PSMD7: variants seen among roughly 807,000 people sequenced by gnomAD.
PSMD7 encodes the protein 26S proteasome non-ATPase regulatory subunit 7.
PSMD7 carries 13 observed loss-of-function variants against 36.4 expected under a neutral mutation model. The observed-to-expected ratio is 0.36, with a 90% CI of 0.23 to 0.57. The LOEUF is 0.57. Among genes scored for constraint, PSMD7 ranks in the 20% least tolerant of loss-of-function variants. The pLI is 0.83. For synonymous variants in PSMD7, 186 were observed against 151.0 expected (o/e 1.23, Z -1.70); for missense variants, 298 against 393.6 (o/e 0.76, Z 2.06).
intron 5 of PSMD7, 108 bp from the exon 6 acceptor site, chr16:74,304,195 C>T: frequency 1.1e-6 from 1 of 909,186 alleles, no homozygotes; most frequent in South Asian, 1.4e-5. Flanking sequence ...CTCAGTCATG[C>T]ACTCATTAAA....
intron 1 of PSMD7, among the ~76,000 whole-genome samples, chr16:74,298,828 C>T (rs984047059): frequency 3.9e-5 from 6 of 152,128 alleles, no homozygotes; most frequent in African/African-American, 1.4e-4. Flanking sequence ...GAGCGAAGAT[C>T]ACACCACTGG....
chr16:74,304,264 G>T (rs1314718666), intron 5 of PSMD7, 39 bp from the exon 6 acceptor site: 1 of 1,579,478 alleles, frequency 6.3e-7, no homozygotes, highest in Non-Finnish European at 8.7e-7. Flanking sequence ...CAGTTCGTTT[G>T]TGGAAAATAA....
At chr16:74,300,394 G>T in intron 2 of PSMD7, 188 bp downstream of exon 2, 1 of 608,250 alleles carries the variant, frequency 1.6e-6, no homozygotes, top group Non-Finnish European at 2.9e-6. Flanking sequence ...TGCAGGCCAT[G>T]TGGTCTCCAC....
At chr16:74,297,750 C>T (rs1389629898) in intron 1 of PSMD7, among the ~76,000 whole-genome samples, 1 of 145,250 alleles carries the variant, frequency 6.9e-6, no homozygotes, top group South Asian at 2.3e-4. Context: ...GTGAATGATG[C>T]CTGGATGATG....
chr16:74,300,328 A>G lies in PSMD7; in HGVS notation c.166+122A>G, dbSNP rs574666817. 3.4e-4 allele frequency: 306 copies of G among 896,628 alleles called. 6 individuals carry two copies. The South Asian group carries it at 4.7e-3, about 14-fold the overall frequency. The allele number at this position is 896,628 out of a possible 1,614,324, so 55.5% of individuals were successfully genotyped here. A position where few individuals can be genotyped will look rare whatever the true frequency, so the allele number is the denominator to read the frequency against. ...GAGATTGTCTTAAAATTGCTGAAGT[A>G]TAGAAAAGAGAACCTGAAGATTGCA... On this transcript the variant is annotated intron_variant, in intron 2 of 6. Coordinates refer to ENST00000219313, the MANE Select transcript of PSMD7 (RefSeq NM_002811.5).
chr16:74,301,877 G>T (rs1158642847), intron 4 of PSMD7, among the ~76,000 whole-genome samples: 2 of 151,950 alleles, frequency 1.3e-5, no homozygotes, highest in African/African-American at 4.8e-5. Context: ...TAATCCTCTC[G>T]GTAACTGTAT....
Position 74,305,186 on chromosome 16 carries a change from C to A in PSMD7, c.531-103C>A. ...TGACATTTTTCTTTTAAAAACTTGC[C>A]TCACCCAACAAAGCTAGGAATTTTC... On this transcript the variant is annotated intron_variant, in intron 6 of 6. Coordinates refer to ENST00000219313, the MANE Select transcript of PSMD7 (RefSeq NM_002811.5). The A allele has an allele frequency of 4.4e-6, 6 of 1,366,524 alleles. No homozygotes were observed. The South Asian group carries it at 9.0e-5, about 20-fold the overall frequency. The allele number at this position is 1,366,524 out of a possible 1,614,324, so 84.6% of individuals were successfully genotyped here. A position where few individuals can be genotyped will look rare whatever the true frequency, so the allele number is the denominator to read the frequency against.
intron 6 of PSMD7, 170 bp downstream of exon 6, chr16:74,304,564 T>C: frequency 1.8e-6 from 1 of 555,794 alleles, no homozygotes; most frequent in South Asian, 2.6e-5. Flanking sequence ...TGTTTTATTG[T>C]CTGTAAATTG....
chr16:74,298,350 C>G (rs1428008711), intron 1 of PSMD7, among the ~76,000 whole-genome samples: 1 of 152,066 alleles, frequency 6.6e-6, no homozygotes, highest in Admixed American at 6.6e-5. Flanking sequence ...GTTGAATTGG[C>G]AAATGTAAAG....
At position 74,305,365 on chromosome 16, in the gene PSMD7, T is replaced by G. The variant is rs1300466739; in HGVS notation, c.607T>G (p.Ser203Ala). Reference sequence around the variant, plus strand: ...GGTCCATGGTTTGAAGGGACTGAACTCCAAGCTTCTGGATATCAGGAGCTA... The same window carrying G: ...GGTCCATGGTTTGAAGGGACTGAACGCCAAGCTTCTGGATATCAGGAGCTA... The part of the protein sequence containing the change: ...NQVHGLKGLN[S>A]KLLDIRSYLE... Residue 203 changes from serine to alanine, a missense_variant, in exon 7 of 7, where the codon TCC becomes GCC. Physicochemically the swap from Ser to Ala is moderately conservative, Grantham distance 99. Transcript: ENST00000219313. 3 of 1,614,134 alleles carry G rather than the reference T, an allele frequency of 1.9e-6. No homozygotes were observed. The highest frequency in any genetic ancestry group is 1.1e-5 in the South Asian group (1 of 91,086).
rs369506812 is a variant in PSMD7 at position 74,305,550 on chromosome 16, G to A, written c.792G>A (p.Ser264=). 52 of 1,613,682 alleles carry A rather than the reference G, an allele frequency of 3.2e-5. No homozygotes were observed. The highest frequency in any genetic ancestry group is 1.3e-4 in the African/African-American group (10 of 74,900). The part of the protein sequence containing the change: ...NDQMVVVYLA[S]LIRSVVALHN... ...AGATGGTGGTAGTGTACTTGGCCTC[G>A]CTGATCCGTTCCGTGGTCGCCCTGC... Residue 264 remains serine, a synonymous_variant, in exon 7 of 7, where the codon TCG becomes TCA. Coordinates refer to ENST00000219313, the MANE Select transcript of PSMD7 (RefSeq NM_002811.5).
chr16:74,301,639 A>G lies in PSMD7; in HGVS notation c.344A>G (p.Tyr115Cys), dbSNP rs1567525810. The change falls in exon 4 of 7, where the codon TAC becomes TGC. Residue 115 changes from tyrosine to cysteine, a missense_variant. By Grantham distance (194) the Tyr-to-Cys change is radical. Coordinates refer to ENST00000219313, the MANE Select transcript of PSMD7 (RefSeq NM_002811.5). ...GCCATCAACGAACTCATGAAAAGAT[A>G]CTGTCCTAATTCCGTAAGTGGTGTC... The part of the protein sequence containing the change: ...DIAINELMKR[Y>C]CPNSVLVIID... 1 of 1,611,334 alleles carries G rather than the reference A, an allele frequency of 6.2e-7. No individual in the cohort carries two copies. Among genetic ancestry groups the G allele is most frequent in the East Asian group, 2.2e-5 (1 of 44,846 alleles).
chr16:74,299,525 A>G (rs1315058150), intron 1 of PSMD7: 2 of 454,680 alleles, frequency 4.4e-6, no homozygotes, highest in African/African-American at 4.0e-5. Flanking sequence ...AGCTGAGACT[A>G]CAGGCACATC....
At chr16:74,299,571 G>A in intron 1 of PSMD7, 1 of 455,312 alleles carries the variant, frequency 2.2e-6, no homozygotes. Context: ...ATTTTTTGTA[G>A]ACAGGGTTTC....
rs1483033135 is a variant in PSMD7, at chr16:74,296,881, A to G, written c.-34A>G. 8 of 1,609,740 alleles carry G rather than the reference A, an allele frequency of 5.0e-6. No homozygotes were observed. The highest frequency in any genetic ancestry group is 2.2e-5 in the East Asian group (1 of 44,772). On this transcript the variant is annotated 5_prime_UTR_variant, in exon 1 of 7. Transcript: ENST00000219313. ...ACTGCTGCCGGTGTTTGCGTGTGGC[A>G]GGGAGCCAGGCCTGGCGAGCGGGGT...
At chr16:74,305,195 C>A (rs1418241864) in intron 6 of PSMD7, 94 bp from the exon 7 acceptor site, 3 of 1,415,646 alleles carry the variant, frequency 2.1e-6, no homozygotes, top group African/African-American at 1.4e-5. Context: ...CCTCACCCAA[C>A]AAAGCTAGGA....
Position 74,301,640 on chromosome 16 carries a change from C to T in PSMD7, c.345C>T (p.Tyr115=), listed in dbSNP as rs762356472. 2 of 1,610,906 alleles carry T rather than the reference C, an allele frequency of 1.2e-6. No homozygotes were observed. The highest frequency in any genetic ancestry group is 1.1e-5 in the South Asian group (1 of 91,002). ...CCATCAACGAACTCATGAAAAGATACTGTCCTAATTCCGTAAGTGGTGTCT... is the reference window on the plus strand; with the variant it reads ...CCATCAACGAACTCATGAAAAGATATTGTCCTAATTCCGTAAGTGGTGTCT... ...DIAINELMKR[Y]CPNSVLVIID... Residue 115 remains tyrosine (Y), a synonymous_variant, in exon 4 of 7, where the codon TAC becomes TAT. Transcript: ENST00000219313.
intron 6 of PSMD7, chr16:74,305,062 G>T: frequency 1.7e-6 from 1 of 593,604 alleles, no homozygotes; most frequent in Non-Finnish European, 2.6e-6. Context: ...TTTTATAATT[G>T]TTTTTTGAAA....
At position 74,305,470 on chromosome 16, in the gene PSMD7, C is replaced by G. The variant is rs188477810; in HGVS notation, c.712C>G (p.Pro238Ala). ...GCTGCAGGACGTCTTCAACCTGCTG[C>G]CAGATGTCAGCCTGCAGGAGTTCGT... ...YQLQDVFNLL[P>A]DVSLQEFVKA... is the part of the protein sequence containing the mutation. Residue 238 changes from proline to alanine, a missense_variant, in exon 7 of 7, where the codon CCA (proline) becomes GCA (alanine). Coordinates refer to ENST00000219313, the MANE Select transcript of PSMD7 (RefSeq NM_002811.5). 6.2e-7 allele frequency: 1 copy of G among 1,614,152 alleles called. No homozygotes were observed. Among genetic ancestry groups the G allele is most frequent in the Admixed American group, 1.7e-5 (1 of 60,018 alleles).
Sources: gnomAD v4.1 joint callset for allele counts (sites outside exome capture counted in the v4.1 genomes callset) on GRCh38, gnomAD v4.1.1 for gene constraint, MANE v1.5 for transcripts, NCBI Gene and HGNC (gene_info 2026-07-23, HGNC 2026-07-21) for gene names.